The following TLR5 variants were observed in gnomAD, a reference collection of about 807,000 sequenced individuals.
The protein encoded by TLR5 is toll-like receptor 5.
For synonymous variants in TLR5, 373 were observed against 384.4 expected (o/e 0.97, Z 0.35); for missense variants, 944 against 999.8 (o/e 0.94, Z 0.75).
chr1:223,119,545 AG>A (rs1322172003), intron 5 of TLR5, among the ~76,000 whole-genome samples: 1 of 152,080 alleles, frequency 6.6e-6, no homozygotes, highest in Non-Finnish European at 1.5e-5. Flanking sequence ...GGGAAAGGTG[AG>A]GGGGTCAGAC....
Position 223,110,720 on chromosome 1 carries a change from G to A in TLR5, c.2312C>T (p.Ala771Val), listed in dbSNP as rs765397777. The A allele has an allele frequency of 1.2e-6, 2 of 1,614,142 alleles. No individual in the cohort carries two copies. The highest frequency in any genetic ancestry group is 1.7e-5 in the Admixed American group (1 of 60,008). The change falls in exon 6 of 6, where the codon GCC becomes GTC. Residue 771 changes from alanine (A) to valine (V), a missense_variant. Transcript: ENST00000642603. ...GCACCTGCCCTGGGCATAACTGAAGGCTTCAAGGCACCAGCCATCTCTAAG... is the reference window on the plus strand; with the variant it reads ...GCACCTGCCCTGGGCATAACTGAAGACTTCAAGGCACCAGCCATCTCTAAG... ...HFLRDGWCLEAFSYAQGRCLS... is the reference protein window; with the variant it reads ...HFLRDGWCLEVFSYAQGRCLS...
rs371582939 is a variant in TLR5 at position 223,111,895 on chromosome 1, T to A, written c.1137A>T (p.Thr379=). Residue 379 remains threonine (T), a synonymous_variant, in exon 6 of 6, where the codon ACA becomes ACT. Coordinates refer to ENST00000642603, the MANE Select transcript of TLR5 (RefSeq NM_003268.6). The stretch of plus-strand genomic sequence containing the variant: ...TCTGTAATTTTTCCAGGAATTTGAA[T>A]GTTTGGTCTTGAATTATTGCAATGT... ...KNHIAIIQDQ[T]FKFLEKLQTL... is the part of the protein sequence containing the mutation. 7 of 1,613,950 alleles carry A rather than the reference T, an allele frequency of 4.3e-6. No individual in the cohort carries two copies. The African/African-American group carries it at 9.3e-5, about 22-fold the overall frequency.
chr1:223,111,080 G>A lies in TLR5; in HGVS notation c.1952C>T (p.Thr651Ile). The A allele has an allele frequency of 6.2e-7, 1 of 1,614,244 alleles. No individual in the cohort carries two copies. The highest frequency in any genetic ancestry group is 8.5e-7 in the Non-Finnish European group (1 of 1,180,052). The stretch of plus-strand genomic sequence containing the variant: ...TGTGAGGATGGTCATGAGGAACAGA[G>A]TCAGAGTGACAGTGCATACAATGAA... ...SLFIVCTVTLTLFLMTILTVT... is the reference protein window; with the variant it reads ...SLFIVCTVTLILFLMTILTVT... The change falls in exon 6 of 6, where the codon ACT (threonine) becomes ATT (isoleucine). Residue 651 changes from threonine (T) to isoleucine (I), a missense_variant. Coordinates refer to ENST00000642603, the MANE Select transcript of TLR5 (RefSeq NM_003268.6).
rs201906412 is a variant in TLR5, at chr1:223,112,587, G to A, written c.445C>T (p.Arg149Cys). ...GYFRNLKALTRLDLSKNQIRS... is the reference protein window; with the variant it reads ...GYFRNLKALTCLDLSKNQIRS... Reference sequence around the variant, plus strand: ...ATCTGATTTTTGGATAGATCCAAGCGAGTTAAAGCCTTTAAATTTCTGAAA... The same window carrying A: ...ATCTGATTTTTGGATAGATCCAAGCAAGTTAAAGCCTTTAAATTTCTGAAA... Residue 149 changes from arginine to cysteine, a missense_variant, in exon 6 of 6, where the codon CGC becomes TGC. By Grantham distance (180) the Arg-to-Cys change is radical (BLOSUM62 -3). Coordinates refer to ENST00000642603, the MANE Select transcript of TLR5 (RefSeq NM_003268.6). The A allele has an allele frequency of 1.9e-5, 30 of 1,614,086 alleles. No individual in the cohort carries two copies. Among genetic ancestry groups the A allele is most frequent in the Non-Finnish European group, 2.4e-5 (28 of 1,180,046 alleles).
Position 223,110,171 on chromosome 1 carries a change from A to C in TLR5, c.*284T>G, listed in dbSNP as rs143922768. On this transcript the variant is annotated 3_prime_UTR_variant, in exon 6 of 6. Coordinates refer to ENST00000642603, the MANE Select transcript of TLR5 (RefSeq NM_003268.6). Reference sequence around the variant, plus strand: ...TTCCCATGATTAGGATACATTCCATAATCAACACAGCAGGACAGAACGGTA... The same window carrying C: ...TTCCCATGATTAGGATACATTCCATCATCAACACAGCAGGACAGAACGGTA... The C allele has an allele frequency of 4.5e-6, 2 of 445,078 alleles. No homozygotes were observed. Among genetic ancestry groups the C allele is most frequent in the African/African-American group, 4.0e-5 (2 of 50,534 alleles). 27.6% of individuals were successfully genotyped at this position (445,078 alleles called of 1,614,324 possible).
At position 223,112,511 on chromosome 1, in the gene TLR5, G is replaced by T. The variant is rs762621836; in HGVS notation, c.521C>A (p.Ser174Tyr). The T allele has an allele frequency of 1.9e-6, 3 of 1,614,138 alleles. No homozygotes were observed. The highest frequency in any genetic ancestry group is 1.7e-6 in the Non-Finnish European group (2 of 1,180,058). Residue 174 changes from serine to tyrosine, a missense_variant, in exon 6 of 6, where the codon TCC (serine) becomes TAC (tyrosine). Transcript: ENST00000642603. Reference protein sequence around the residue: ...PSFGKLNSLKSIDFSSNQIFL... With the variant: ...PSFGKLNSLKYIDFSSNQIFL... ...TATTTGGTTGGAGGAAAAATCTATGGACTTTAAGGAATTCAACTTCCCAAA... is the reference window on the plus strand; with the variant it reads ...TATTTGGTTGGAGGAAAAATCTATGTACTTTAAGGAATTCAACTTCCCAAA...
intron 5 of TLR5, among the ~76,000 whole-genome samples, chr1:223,115,533 G>A (rs184929175): frequency 1.3e-5 from 2 of 152,332 alleles, no homozygotes; most frequent in Admixed American, 6.5e-5. Flanking sequence ...TTACAAACAT[G>A]AGCCAGCACA....
intron 5 of TLR5, among the ~76,000 whole-genome samples, chr1:223,114,105 C>T (rs1196920317): frequency 6.6e-6 from 1 of 152,198 alleles, no homozygotes; most frequent in Non-Finnish European, 1.5e-5. Flanking sequence ...CTAGTGCTCG[C>T]CTGGCAGCTG....
chr1:223,133,886 G>A (rs1657496987), intron 4 of TLR5, among the ~76,000 whole-genome samples: 1 of 152,238 alleles, frequency 6.6e-6, no homozygotes, highest in Admixed American at 6.5e-5. Flanking sequence ...GGAGCCCGCG[G>A]AGCCGCGGCC....
intron 5 of TLR5, among the ~76,000 whole-genome samples, chr1:223,113,297 C>A (rs1397906679): frequency 6.6e-6 from 1 of 152,152 alleles, no homozygotes; most frequent in Non-Finnish European, 1.5e-5. Context: ...CCTCCGCCTC[C>A]CGGGTTCAAG....
chr1:223,124,383 T>C (rs1000414332), intron 5 of TLR5, among the ~76,000 whole-genome samples: 2 of 148,548 alleles, frequency 1.3e-5, no homozygotes, highest in Non-Finnish European at 3.0e-5. Flanking sequence ...GCAAAGGTTG[T>C]AGTGAGCCAA....
intron 5 of TLR5, chr1:223,126,851 C>T (rs1657187358): frequency 6.6e-6 from 1 of 152,216 alleles, no homozygotes; most frequent in Non-Finnish European, 1.5e-5. Flanking sequence ...ATGCAGGCTT[C>T]AATACTCCTG....
intron 5 of TLR5, among the ~76,000 whole-genome samples, chr1:223,116,193 C>G (rs1656630441): frequency 6.6e-6 from 1 of 152,204 alleles, no homozygotes; most frequent in African/African-American, 2.4e-5. Context: ...GGTTCCTGGT[C>G]TCACTGACTT....
In TLR5 at chr1:223,142,284, C is replaced by G. The variant is rs1053086514; in HGVS notation, c.-554-521G>C. ...GCGGCATTACAGATGCACTTGCCGT[C>G]CAAACAGATCATCTCATTGACTAGG... On this transcript the variant is annotated intron_variant, in intron 1 of 5. Transcript: ENST00000642603. Among the ~76,000 whole-genome samples the G allele has an allele frequency of 4.0e-4, 61 of 152,162 alleles. 6 individuals carry two copies. The highest frequency in any genetic ancestry group is 2.9e-5 in the Non-Finnish European group (2 of 68,020).
intron 2 of TLR5, chr1:223,141,359 T>G (rs1464288452): frequency 6.6e-6 from 1 of 152,160 alleles, no homozygotes; most frequent in East Asian, 1.9e-4. Flanking sequence ...GCTTTTTGCT[T>G]TGCTCAGAGC....
At position 223,131,819 on chromosome 1, in the gene TLR5, G is replaced by A. The variant is rs1377657818; in HGVS notation, c.-5+656C>T. On this transcript the variant is annotated intron_variant, in intron 5 of 5. Coordinates refer to ENST00000642603, the MANE Select transcript of TLR5 (RefSeq NM_003268.6). The surrounding 1 kb of genome is among the most constrained non-coding windows in gnomAD (Gnocchi z 4.2). ...TGGTCTCGAACTCCTGGGATCCAGCGATCCACCTGCCTCGGCCTCCCAAAG... is the reference window on the plus strand; with the variant it reads ...TGGTCTCGAACTCCTGGGATCCAGCAATCCACCTGCCTCGGCCTCCCAAAG... 1.3e-5 allele frequency among the ~76,000 whole-genome samples: 2 copies of A among 151,968 alleles called. No homozygotes were observed. Among genetic ancestry groups the A allele is most frequent in the Non-Finnish European group, 1.5e-5 (1 of 68,000 alleles).
At chr1:223,140,299 C>T (rs1056681590) in intron 2 of TLR5, among the ~76,000 whole-genome samples, 1 of 152,164 alleles carries the variant, frequency 6.6e-6, no homozygotes, top group African/African-American at 2.4e-5. Context: ...GTAATCCTAG[C>T]ACTTTGGGAG....
Position 223,112,215 on chromosome 1 carries a change from T to A in TLR5, c.817A>T (p.Asn273Tyr), listed in dbSNP as rs1005689545. The stretch of plus-strand genomic sequence containing the variant: ...GTGTTCTGGTCAGGATCTTTGATGT[T>A]ATGGAAGCCAAACCCGGCACCCATG... ...HIMGAGFGFH[N>Y]IKDPDQNTFA... The change falls in exon 6 of 6, where the codon AAC becomes TAC. Residue 273 changes from asparagine to tyrosine, a missense_variant. Transcript: ENST00000642603. 1.9e-6 allele frequency: 3 copies of A among 1,614,100 alleles called. No individual in the cohort carries two copies. In the African/African-American group the frequency reaches 4.0e-5, roughly 22 times the overall value.
chr1:223,111,275 T>C lies in TLR5; in HGVS notation c.1757A>G (p.Glu586Gly), dbSNP rs1295732577. Residue 586 changes from glutamate (E) to glycine (G), a missense_variant, in exon 6 of 6, where the codon GAA becomes GGA. Coordinates refer to ENST00000642603, the MANE Select transcript of TLR5 (RefSeq NM_003268.6). ...AAGCCAATTGATAAAAGTGCTAAGT[T>C]CACATTCACAAATGAACTTGTTATG... ...ITHNKFICEC[E>G]LSTFINWLNH... 1.2e-6 allele frequency: 2 copies of C among 1,613,966 alleles called. No individual in the cohort carries two copies. Among genetic ancestry groups the C allele is most frequent in the African/African-American group, 2.7e-5 (2 of 74,892 alleles).
Sources: allele counts gnomAD v4.1 joint callset (sites outside exome capture counted in the v4.1 genomes callset), GRCh38; gene constraint gnomAD v4.1.1; non-coding constraint Gnocchi (gnomAD v3.1); transcripts MANE v1.5; gene names NCBI Gene and HGNC (gene_info 2026-07-23, HGNC 2026-07-21).